NREP: variants seen among roughly 807,000 people sequenced by gnomAD.
NREP encodes the protein neuronal regeneration related protein, also known as neuronal regeneration-related protein.
NREP carries 5 observed loss-of-function variants against 8.6 expected under a neutral mutation model. The ratio of observed to expected loss-of-function variants is 0.58; its 90% CI spans 0.30 to 1.22. The LOEUF is 1.22. NREP is among the 50% of genes most tolerant of loss of function. The pLI, the probability that NREP is intolerant of heterozygous loss-of-function variation, is 0.07. For missense variants in NREP, 86 were observed against 82.5 expected (o/e 1.04, Z -0.17); for synonymous variants, 27 against 28.0 (o/e 0.96, Z 0.11).
rs116127213 is a variant in NREP, at chr5:111,890,238, T to C, written c.135+85036A>G. Among the ~76,000 whole-genome samples the C allele has an allele frequency of 9.8e-3, 1,436 of 146,854 alleles. 25 individuals carry two copies. The highest frequency in any genetic ancestry group is 0.033 in the African/African-American group (1,371 of 41,276). On this transcript the variant is annotated intron_variant, in intron 2 of 3. Coordinates refer to the NREP transcript ENST00000395634. Reference sequence around the variant, plus strand: ...TATTAAAGCTCCAAAATAATTTCCTTCATTCTATATCTCACATCCAGGGCA... The same window carrying C: ...TATTAAAGCTCCAAAATAATTTCCTCCATTCTATATCTCACATCCAGGGCA...
intron 2 of NREP, among the ~76,000 whole-genome samples, chr5:111,886,165 A>G (rs1581191835): frequency 6.6e-6 from 1 of 152,220 alleles, no homozygotes. Flanking sequence ...GGCAAAGGAC[A>G]TGAACAGACA....
chr5:111,887,033 C>A (rs1480190488), intron 2 of NREP, among the ~76,000 whole-genome samples: 1 of 151,850 alleles, frequency 6.6e-6, no homozygotes, highest in African/African-American at 2.4e-5. Context: ...AAGTGATCCT[C>A]ATGCCTCACC....
At chr5:111,848,349 G>T (rs956837696) in intron 2 of NREP, among the ~76,000 whole-genome samples, 1 of 152,136 alleles carries the variant, frequency 6.6e-6, no homozygotes, top group Admixed American at 6.5e-5. Flanking sequence ...TAATGCTAAA[G>T]CTTTCAAATT....
intron 2 of NREP, among the ~76,000 whole-genome samples, chr5:111,925,686 A>G (rs1398556416): frequency 6.6e-6 from 1 of 152,268 alleles, no homozygotes; most frequent in African/African-American, 2.4e-5. Context: ...TAGCCTTTCC[A>G]TGAAAGCCAA....
intron 2 of NREP, among the ~76,000 whole-genome samples, chr5:111,852,865 T>C (rs1359983392): frequency 6.6e-6 from 1 of 152,196 alleles, no homozygotes; most frequent in Non-Finnish European, 1.5e-5. Flanking sequence ...TAGTCCTGTG[T>C]GACCTTGAGA....
At chr5:111,846,052 C>T (rs1374400857) in intron 2 of NREP, 2 of 155,654 alleles carry the variant, frequency 1.3e-5, no homozygotes, top group African/African-American at 2.4e-5. Context: ...CAATATCCCA[C>T]GATTTTCTGG....
At chr5:111,759,896 T>G (rs951685343), upstream of NREP, among the ~76,000 whole-genome samples, 6 of 152,190 alleles carry the variant, frequency 3.9e-5, no homozygotes, top group African/African-American at 1.4e-4. Flanking sequence ...CCTGCTCCAT[T>G]ACGGGATAAA....
chr5:111,833,692 G>A (rs1311610436), intron 2 of NREP, among the ~76,000 whole-genome samples: 6 of 152,126 alleles, frequency 3.9e-5, no homozygotes, highest in African/African-American at 1.2e-4. Flanking sequence ...TGCTATCTAA[G>A]ACTACTTGAA....
At chr5:111,901,328 G>A (rs965980715) in intron 2 of NREP, among the ~76,000 whole-genome samples, 1 of 152,144 alleles carries the variant, frequency 6.6e-6, no homozygotes, top group African/African-American at 2.4e-5. Context: ...AACACATTAG[G>A]CATCAAAGGA....
chr5:111,946,412 G>A (rs757834065), intron 2 of NREP, among the ~76,000 whole-genome samples: 14 of 151,982 alleles, frequency 9.2e-5, no homozygotes, highest in Non-Finnish European at 1.9e-4. Context: ...TCATTTTAAA[G>A]CCTTTCATGT....
chr5:111,935,661 A>T (rs1202602979), intron 2 of NREP, among the ~76,000 whole-genome samples: 1 of 152,128 alleles, frequency 6.6e-6, no homozygotes, highest in Non-Finnish European at 1.5e-5. Flanking sequence ...GTTTGGGATA[A>T]GATTATCCCT....
intron 2 of NREP, among the ~76,000 whole-genome samples, chr5:111,909,898 A>C (rs943989726): frequency 6.6e-6 from 1 of 152,054 alleles, no homozygotes; most frequent in Non-Finnish European, 1.5e-5. Context: ...TCATCCTTGC[A>C]ATTCTAACTA....
At chr5:111,902,734 C>T (rs954192170) in intron 2 of NREP, among the ~76,000 whole-genome samples, 1 of 152,140 alleles carries the variant, frequency 6.6e-6, no homozygotes, top group Non-Finnish European at 1.5e-5. Flanking sequence ...AAAGCTTCAC[C>T]AGAGAGTCCT....
chr5:111,766,686 C>G (rs1751092901), intron 2 of NREP, among the ~76,000 whole-genome samples: 1 of 152,170 alleles, frequency 6.6e-6, no homozygotes, highest in Admixed American at 6.5e-5. Flanking sequence ...CCTGCCATCC[C>G]CTAGAGTTCT....
chr5:111,839,953 A>G (rs753055847), intron 2 of NREP, among the ~76,000 whole-genome samples: 58 of 152,110 alleles, frequency 3.8e-4, no homozygotes, highest in Non-Finnish European at 7.6e-4. Flanking sequence ...CCTGACATCC[A>G]TTCATCCCAT....
At chr5:111,731,394 T>C (rs1436467303) in intron 3 of NREP, among the ~76,000 whole-genome samples, 1 of 149,106 alleles carries the variant, frequency 6.7e-6, no homozygotes, top group Non-Finnish European at 1.5e-5. Context: ...GACTGGGTGA[T>C]TGATAGATAC....
At chr5:111,827,198 T>C (rs1752649960) in intron 2 of NREP, among the ~76,000 whole-genome samples, 1 of 152,208 alleles carries the variant, frequency 6.6e-6, no homozygotes, top group Non-Finnish European at 1.5e-5. Flanking sequence ...TTATTACTAC[T>C]CTAAATGTAT....
At chr5:111,879,675 G>A (rs997714114) in intron 2 of NREP, among the ~76,000 whole-genome samples, 1 of 152,246 alleles carries the variant, frequency 6.6e-6, no homozygotes, top group East Asian at 1.9e-4. Flanking sequence ...ACCGTAGACT[G>A]GACAACTTAA....
At chr5:111,973,568 GACC>G (rs1368246469) in intron 2 of NREP, among the ~76,000 whole-genome samples, 1 of 152,138 alleles carries the variant, frequency 6.6e-6, no homozygotes. Context: ...CAAGCCCTGT[GACC>G]CAAACTTTTC....
Sources: allele counts gnomAD v4.1 joint callset (sites outside exome capture counted in the v4.1 genomes callset), GRCh38; gene constraint gnomAD v4.1.1; transcripts MANE v1.5; gene names NCBI Gene and HGNC (gene_info 2026-07-23, HGNC 2026-07-21).